The following PTPRG variants were observed in gnomAD, a reference collection of about 807,000 sequenced individuals.
The protein encoded by PTPRG is protein tyrosine phosphatase receptor type G.
Under a neutral mutation model 165.3 loss-of-function variants are expected in PTPRG, and 102 were observed. The observed-to-expected ratio is 0.62, with a 90% CI of 0.53 to 0.73. PTPRG has a LOEUF of 0.73. PTPRG is among the 30% of genes least tolerant of loss of function. The pLI, the probability that PTPRG is intolerant of heterozygous loss-of-function variation, is 0.00. For missense variants in PTPRG, 1,866 were observed against 1,861.4 expected, an observed-to-expected ratio of 1.00 and a Z score of -0.05; for synonymous variants, 675 against 669.5, an observed-to-expected ratio of 1.01 and a Z score of -0.13.
chr3:62,234,302 G>A (rs948606228), intron 14 of PTPRG, among the ~76,000 whole-genome samples: 31 of 152,320 alleles, frequency 2.0e-4, no homozygotes, highest in African/African-American at 7.2e-4. Flanking sequence ...ATAAGTTTAT[G>A]TGTCACTTTG....
At chr3:62,269,597 T>C (rs1701994465) in intron 20 of PTPRG, among the ~76,000 whole-genome samples, 1 of 152,220 alleles carries the variant, frequency 6.6e-6, no homozygotes, top group Non-Finnish European at 1.5e-5. Context: ...GGGAAATGAA[T>C]GCTACATAAT....
intron 2 of PTPRG, among the ~76,000 whole-genome samples, chr3:61,810,251 C>A (rs1278763818): frequency 1.3e-5 from 2 of 152,110 alleles, no homozygotes; most frequent in Non-Finnish European, 2.9e-5. Flanking sequence ...AAATTCAGTT[C>A]TAGACCAAAA....
intron 2 of PTPRG, among the ~76,000 whole-genome samples, chr3:61,949,464 C>T (rs573191133): frequency 6.6e-6 from 1 of 152,228 alleles, no homozygotes; most frequent in East Asian, 1.9e-4. Context: ...GGAGAAACCA[C>T]AATTGAAGTG....
intron 2 of PTPRG, among the ~76,000 whole-genome samples, chr3:61,879,600 G>C (rs1434663282): frequency 6.6e-6 from 1 of 152,004 alleles, no homozygotes; most frequent in Non-Finnish European, 1.5e-5. Context: ...TGCTCAATTA[G>C]TTTATTGGAT....
At chr3:61,601,652 T>C (rs528681551) in intron 1 of PTPRG, among the ~76,000 whole-genome samples, 44 of 152,318 alleles carry the variant, frequency 2.9e-4, no homozygotes, top group Admixed American at 1.0e-3. Context: ...CTATGTGCCA[T>C]ACCTTATTTT....
chr3:62,011,116 C>T (rs948611914), intron 4 of PTPRG, among the ~76,000 whole-genome samples: 1 of 152,172 alleles, frequency 6.6e-6, no homozygotes, highest in Non-Finnish European at 1.5e-5. Flanking sequence ...GGCGTGAATT[C>T]CTGGTGGCTC....
chr3:62,082,023 A>C (rs1032678551), intron 5 of PTPRG, among the ~76,000 whole-genome samples: 4 of 151,934 alleles, frequency 2.6e-5, no homozygotes, highest in Non-Finnish European at 5.9e-5. Flanking sequence ...AAAGAGTTGA[A>C]CTCCTCTACT....
chr3:62,045,299 G>C (rs1700253537), intron 4 of PTPRG, among the ~76,000 whole-genome samples: 1 of 152,080 alleles, frequency 6.6e-6, no homozygotes, highest in Non-Finnish European at 1.5e-5. Context: ...AGGCTATTTG[G>C]TTTCATTAAA....
At chr3:61,696,318 A>G (rs897815319) in intron 1 of PTPRG, among the ~76,000 whole-genome samples, 1 of 152,138 alleles carries the variant, frequency 6.6e-6, no homozygotes, top group African/African-American at 2.4e-5. Context: ...TCTGACCAAC[A>G]TGGGGAAACC....
chr3:62,282,911 T>C (rs1391488225), intron 28 of PTPRG, 42 bp downstream of exon 28: 4 of 1,551,530 alleles, frequency 2.6e-6, no homozygotes, highest in Non-Finnish European at 3.5e-6. Context: ...GACCGTTTTT[T>C]TGTTTAATTT....
chr3:61,749,482 C>T (rs1228010004), intron 2 of PTPRG: 1 of 216,730 alleles, frequency 4.6e-6, no homozygotes, highest in Non-Finnish European at 9.3e-6. Flanking sequence ...AATCTGCAGT[C>T]CTTTTCATTT....
intron 2 of PTPRG, among the ~76,000 whole-genome samples, chr3:61,816,065 T>C (rs1393630349): frequency 3.3e-5 from 5 of 152,222 alleles, no homozygotes; most frequent in African/African-American, 4.8e-5. Context: ...TTTAAGTTTG[T>C]TATGAAATCT....
intron 2 of PTPRG, among the ~76,000 whole-genome samples, chr3:61,986,240 G>A (rs1484454025): frequency 6.6e-6 from 1 of 150,660 alleles, no homozygotes; most frequent in African/African-American, 2.5e-5. Context: ...ATGTTTTAAG[G>A]GCTTACTGTA....
At chr3:61,672,428 C>A (rs1337886207) in intron 1 of PTPRG, among the ~76,000 whole-genome samples, 4 of 135,626 alleles carry the variant, frequency 2.9e-5, no homozygotes, top group Admixed American at 1.5e-4. Flanking sequence ...AGCCTGGGCA[C>A]CATTGAGCAC....
chr3:61,817,200 A>G (rs2035810946), intron 2 of PTPRG, among the ~76,000 whole-genome samples: 1 of 138,572 alleles, frequency 7.2e-6, no homozygotes, highest in African/African-American at 2.7e-5. Flanking sequence ...TAATATATAT[A>G]ATAATATAAT....
At chr3:61,880,448 C>G (rs1045893366) in intron 2 of PTPRG, among the ~76,000 whole-genome samples, 61 of 152,054 alleles carry the variant, frequency 4.0e-4, no homozygotes, top group Admixed American at 1.4e-3. Context: ...GGTGAAACCC[C>G]ATCTCTACAA....
At chr3:62,005,690 C>CTTTTTT (rs35487954) in intron 4 of PTPRG, among the ~76,000 whole-genome samples, 2 of 60,304 alleles carry the variant, frequency 3.3e-5, no homozygotes, top group Non-Finnish European at 5.5e-5. Context: ...CATTAATATC[C>CTTTTTT]TTTTTTTTTT....
In PTPRG at chr3:62,295,507, G is replaced by A. The variant is rs1576239412; in HGVS notation, c.*2200G>A. 1 of 152,008 alleles carries A rather than the reference G, an allele frequency of 6.6e-6. No homozygotes were observed. Among genetic ancestry groups the A allele is most frequent in the East Asian group, 1.9e-4 (1 of 5,184 alleles). The allele number at this position is 152,008 out of a possible 1,614,324, so 9.4% of individuals were successfully genotyped here. On this transcript the variant is annotated 3_prime_UTR_variant, in exon 30 of 30. Transcript: ENST00000474889. The stretch of plus-strand genomic sequence containing the variant: ...AGACAAATAGCAAGTATTCCCTCCT[G>A]TGCTATTTATAGAGGGCTCAATTCG...
At chr3:61,732,274 C>T (rs1017881278) in intron 1 of PTPRG, among the ~76,000 whole-genome samples, 1 of 152,124 alleles carries the variant, frequency 6.6e-6, no homozygotes, top group Non-Finnish European at 1.5e-5. Context: ...TCTTACTAAG[C>T]ATTTGAAATC....
Sources: gnomAD v4.1 joint callset for allele counts (sites outside exome capture counted in the v4.1 genomes callset) on GRCh38, gnomAD v4.1.1 for gene constraint, MANE v1.5 for transcripts, NCBI Gene and HGNC (gene_info 2026-07-23, HGNC 2026-07-21) for gene names.